NFYA: variants seen among roughly 807,000 people sequenced by gnomAD.
NFYA encodes the protein nuclear transcription factor Y subunit alpha, also known as CAAT-box DNA binding protein subunit A.
In NFYA, 28 loss-of-function variants were observed where a neutral mutation model predicts 52.8. That is an observed-to-expected ratio of 0.53 (90% CI 0.39 to 0.73). The LOEUF is 0.73. Among genes scored for constraint, NFYA ranks in the 30% least tolerant of loss-of-function variants. The probability of loss-of-function intolerance (pLI) is 0.00; values close to 1 mark genes in which losing one functional copy is unlikely to be tolerated. For missense variants in NFYA, 234 were observed against 427.0 expected (o/e 0.55, Z 3.98); for synonymous variants, 150 against 150.7 (o/e 1.00, Z 0.03).
At position 41,100,853 on chromosome 6, in the gene NFYA, C is replaced by G. The variant is rs940264037; in HGVS notation, c.*3443C>G. On this transcript the variant is annotated 3_prime_UTR_variant, in exon 10 of 10. Coordinates refer to ENST00000341376, the MANE Select transcript of NFYA (RefSeq NM_002505.5). ...CCCCTTCTCCCCGGGGAAGTAGGCC[C>G]CGCTAAGAATGTGGGAAGGTGGTGG... Among the ~76,000 whole-genome samples, 7 of 152,256 alleles carry G rather than the reference C, an allele frequency of 4.6e-5. No homozygotes were observed. Among genetic ancestry groups the G allele is most frequent in the Non-Finnish European group, 1.0e-4 (7 of 68,052 alleles).
At chr6:41,088,423 C>CAAAAAAAAA (rs34590854) in intron 4 of NFYA, among the ~76,000 whole-genome samples, 1 of 64,712 alleles carries the variant, frequency 1.5e-5, no homozygotes, top group Non-Finnish European at 3.0e-5. Flanking sequence ...ACTCCGTCTC[C>CAAAAAAAAA]AAAAAAAAAA....
chr6:41,078,102 A>C (rs577627906), intron 1 of NFYA, among the ~76,000 whole-genome samples: 5 of 152,176 alleles, frequency 3.3e-5, no homozygotes, highest in Non-Finnish European at 7.3e-5. Context: ...GTCTATTAAC[A>C]TCTTACTATA....
intron 2 of NFYA, 47 bp downstream of exon 2, chr6:41,079,211 A>G (rs1346786953): frequency 6.4e-7 from 1 of 1,550,548 alleles, no homozygotes; most frequent in Non-Finnish European, 8.9e-7. Context: ...GAAACTGATA[A>G]CAGCACCACT....
chr6:41,095,219 A>T (rs1764315695), intron 9 of NFYA, among the ~76,000 whole-genome samples: 1 of 152,100 alleles, frequency 6.6e-6, no homozygotes, highest in Admixed American at 6.5e-5. Flanking sequence ...GCTTACTACT[A>T]TGCCCAGCAA....
At position 41,098,974 on chromosome 6, in the gene NFYA, GAAT is replaced by G. The variant is rs1384040847; in HGVS notation, c.*1567_*1569del. On this transcript the variant is annotated 3_prime_UTR_variant, in exon 10 of 10. Coordinates refer to ENST00000341376, the MANE Select transcript of NFYA (RefSeq NM_002505.5). Reference sequence around the variant, plus strand: ...AGGAACATTGGGGGTTAAATACCAAGAATAAAAATTGGTTCTTCTTTGACTTCA... The same window carrying G: ...AGGAACATTGGGGGTTAAATACCAAGAAAAATTGGTTCTTCTTTGACTTCA... 12 of 152,178 alleles carry G rather than the reference GAAT, an allele frequency of 7.9e-5. No individual in the cohort carries two copies. Among genetic ancestry groups the G allele is most frequent in the Non-Finnish European group, 1.3e-4 (9 of 68,004 alleles). 9.4% of individuals were successfully genotyped at this position (152,178 alleles called of 1,614,324 possible). A position where few individuals can be genotyped will look rare whatever the true frequency, so the allele number is the denominator to read the frequency against.
intron 6 of NFYA, among the ~76,000 whole-genome samples, chr6:41,091,072 T>C (rs1465244264): frequency 6.6e-6 from 1 of 152,256 alleles, no homozygotes; most frequent in Non-Finnish European, 1.5e-5. Context: ...CCTCAAGTGC[T>C]GCTATTGATA....
At position 41,100,933 on chromosome 6, in the gene NFYA, T is replaced by C. The variant is rs941531820; in HGVS notation, c.*3523T>C. Reference sequence around the variant, plus strand: ...GTTGTCCCAAGGAAGCCTGCGCGGATTGATCGGCGGCAGGCCTCCAATAGA... The same window carrying C: ...GTTGTCCCAAGGAAGCCTGCGCGGACTGATCGGCGGCAGGCCTCCAATAGA... On this transcript the variant is annotated 3_prime_UTR_variant, in exon 10 of 10. Transcript: ENST00000341376. 1 of 152,254 alleles carries C rather than the reference T, an allele frequency of 6.6e-6. No individual in the cohort carries two copies. Among genetic ancestry groups the C allele is most frequent in the African/African-American group, 2.4e-5 (1 of 41,474 alleles). 9.4% of individuals were successfully genotyped at this position (152,254 alleles called of 1,614,324 possible). A position where few individuals can be genotyped will look rare whatever the true frequency, so the allele number is the denominator to read the frequency against.
rs567535465 is a variant in NFYA at position 41,089,724 on chromosome 6, C to G, written c.441+14C>G. On this transcript the variant is annotated intron_variant, in intron 5 of 9. Transcript: ENST00000341376. ...GGCCAGACTCAGGTAATTCCACTAGCTCTGTCACACAGGAGCAAAACTGAT... is the reference window on the plus strand; with the variant it reads ...GGCCAGACTCAGGTAATTCCACTAGGTCTGTCACACAGGAGCAAAACTGAT... 1 of 1,608,976 alleles carries G rather than the reference C, an allele frequency of 6.2e-7. No homozygotes were observed. The highest frequency in any genetic ancestry group is 1.3e-5 in the African/African-American group (1 of 74,818).
intron 9 of NFYA, among the ~76,000 whole-genome samples, chr6:41,096,020 T>C (rs537816627): frequency 1.3e-5 from 2 of 152,328 alleles, no homozygotes; most frequent in South Asian, 4.1e-4. Context: ...TATTGCAATA[T>C]CCATCAAATT....
intron 4 of NFYA, 83 bp downstream of exon 4, chr6:41,084,275 A>G (rs1763983515): frequency 1.4e-6 from 2 of 1,473,058 alleles, no homozygotes; most frequent in Non-Finnish European, 1.8e-6. Flanking sequence ...TTGATAATTG[A>G]TATTGCATTT....
At chr6:41,085,990 A>G (rs1480219082) in intron 4 of NFYA, among the ~76,000 whole-genome samples, 1 of 152,172 alleles carries the variant, frequency 6.6e-6, no homozygotes, top group African/African-American at 2.4e-5. Context: ...ATAGAATTGT[A>G]CTTGGGATTA....
Position 41,097,429 on chromosome 6 carries a change from A to T in NFYA, c.*19A>T. On this transcript the variant is annotated 3_prime_UTR_variant, in exon 10 of 10. Transcript: ENST00000341376. The stretch of plus-strand genomic sequence containing the variant: ...GTCCTAACCCCACGCCATGTGATGG[A>T]GCTGATCAAGGTCATGTTTCTCACT... 1 of 1,612,852 alleles carries T rather than the reference A, an allele frequency of 6.2e-7. No homozygotes were observed.
At position 41,099,656 on chromosome 6, in the gene NFYA, GAGAA is replaced by G. The variant is rs983273141; in HGVS notation, c.*2250_*2253del. ...GACTGTAGTGATAACTTTACAGATG[GAGAA>G]AGAGTGAATGGATGAATGAATAATT... On this transcript the variant is annotated 3_prime_UTR_variant, in exon 10 of 10. Transcript: ENST00000341376. The G allele has an allele frequency of 2.0e-4, 30 of 150,948 alleles. No homozygotes were observed. The highest frequency in any genetic ancestry group is 6.6e-4 in the African/African-American group (27 of 41,152). 9.4% of individuals were successfully genotyped at this position (150,948 alleles called of 1,614,324 possible). A position where few individuals can be genotyped will look rare whatever the true frequency, so the allele number is the denominator to read the frequency against.
chr6:41,097,482 A>T lies in NFYA; in HGVS notation c.*72A>T, dbSNP rs113565883. 6.7e-7 allele frequency: 1 copy of T among 1,490,650 alleles called. No individual in the cohort carries two copies. Among genetic ancestry groups the T allele is most frequent in the South Asian group, 1.1e-5 (1 of 87,864 alleles). 92.3% of individuals were successfully genotyped at this position (1,490,650 alleles called of 1,614,324 possible). ...TCCAGGAAATTGATCAACTCTTCCAATGGGACATTGATGATCACATTCTGC... is the reference window on the plus strand; with the variant it reads ...TCCAGGAAATTGATCAACTCTTCCATTGGGACATTGATGATCACATTCTGC... On this transcript the variant is annotated 3_prime_UTR_variant, in exon 10 of 10. Transcript: ENST00000341376.
chr6:41,092,900 C>G lies in NFYA; in HGVS notation c.715-12C>G. ...CATGCCACCAATAAGCTCTGGTTTCCTGTTCACACAGATGGTTCCTGGGGC... is the reference window on the plus strand; with the variant it reads ...CATGCCACCAATAAGCTCTGGTTTCGTGTTCACACAGATGGTTCCTGGGGC... On this transcript the variant is annotated splice_polypyrimidine_tract_variant and intron_variant, in intron 7 of 9. Transcript: ENST00000341376. 7 of 1,610,978 alleles carry G rather than the reference C, an allele frequency of 4.3e-6. No homozygotes were observed. Among genetic ancestry groups the G allele is most frequent in the Non-Finnish European group, 5.9e-6 (7 of 1,178,500 alleles).
chr6:41,099,972 G>A lies in NFYA; in HGVS notation c.*2562G>A, dbSNP rs776476413. 5 of 152,072 alleles carry A rather than the reference G, an allele frequency of 3.3e-5. No homozygotes were observed. The highest frequency in any genetic ancestry group is 2.1e-4 in the South Asian group (1 of 4,826). 9.4% of individuals were successfully genotyped at this position (152,072 alleles called of 1,614,324 possible). ...TTAAAATAAATTTATAAAAATAACC[G>A]AAAAGTAATGTGACTTTTGAGGAAT... is the stretch of plus-strand genomic sequence containing the variant. On this transcript the variant is annotated 3_prime_UTR_variant, in exon 10 of 10. Transcript: ENST00000341376.
intron 4 of NFYA, 148 bp from the exon 5 acceptor site, chr6:41,089,431 G>T: frequency 1.4e-6 from 1 of 735,526 alleles, no homozygotes. Context: ...AATAAGTTGT[G>T]TCTACTTCAT....
At chr6:41,076,127 A>C (rs971987673) in intron 1 of NFYA, among the ~76,000 whole-genome samples, 2 of 152,200 alleles carry the variant, frequency 1.3e-5, no homozygotes, top group African/African-American at 4.8e-5. Flanking sequence ...AATATCTGCC[A>C]GGCATGATGA....
chr6:41,090,136 A>G, intron 5 of NFYA, 68 bp from the exon 6 acceptor site: 1 of 1,052,982 alleles, frequency 9.5e-7, no homozygotes, highest in Non-Finnish European at 1.4e-6. Context: ...TTTTTTTTTA[A>G]GGACTACATC....
Sources: allele counts gnomAD v4.1 joint callset (sites outside exome capture counted in the v4.1 genomes callset), GRCh38; gene constraint gnomAD v4.1.1; transcripts MANE v1.5; gene names NCBI Gene and HGNC (gene_info 2026-07-23, HGNC 2026-07-21).